Variants in SPEF2 observed in about 807,000 individuals in gnomAD.
The protein encoded by SPEF2 is sperm flagella and cilia-associated protein 2.
A neutral mutation model predicts 224.6 loss-of-function variants in SPEF2; 187 were observed. The ratio of observed to expected loss-of-function variants is 0.83; its 90% CI spans 0.74 to 0.94. The LOEUF (loss-of-function observed/expected upper bound fraction) is 0.94. SPEF2 is among the 40% of genes least tolerant of loss of function. The pLI, the probability that SPEF2 is intolerant of heterozygous loss-of-function variation, is 0.00. For synonymous variants in SPEF2, 715 were observed against 707.3 expected, an observed-to-expected ratio of 1.01 and a Z score of -0.17; for missense variants, 2,170 against 2,135.6, an observed-to-expected ratio of 1.02 and a Z score of -0.32.
At chr5:35,653,077 T>A (rs1469789059) in intron 6 of SPEF2, among the ~76,000 whole-genome samples, 1 of 152,186 alleles carries the variant, frequency 6.6e-6, no homozygotes, top group African/African-American at 2.4e-5. Context: ...GATTATTTGA[T>A]CTTTGTATAC....
chr5:35,693,243 G>A (rs149007777), intron 12 of SPEF2, among the ~76,000 whole-genome samples: 3 of 152,264 alleles, frequency 2.0e-5, no homozygotes, highest in African/African-American at 7.2e-5. Flanking sequence ...TGCTGGCCCT[G>A]GGCAGTGGCT....
intron 36 of SPEF2, chr5:35,807,803 C>A: frequency 6.5e-7 from 1 of 1,534,908 alleles, no homozygotes; most frequent in Non-Finnish European, 8.7e-7. Context: ...ATCACATAAC[C>A]ACCAAGCAGG....
At chr5:35,669,342 C>T (rs1750928199) in intron 9 of SPEF2, among the ~76,000 whole-genome samples, 1 of 152,000 alleles carries the variant, frequency 6.6e-6, no homozygotes, top group African/African-American at 2.4e-5. Flanking sequence ...ACCATTTTCC[C>T]ATCACTCTGT....
At position 35,802,350 on chromosome 5, in the gene SPEF2, TCA is replaced by T. The variant is rs1206223632; in HGVS notation, c.5010+2214_5010+2215del. Among the ~76,000 whole-genome samples the T allele has an allele frequency of 4.6e-5, 7 of 152,010 alleles. No individual in the cohort carries two copies. The East Asian group carries it at 1.3e-3, about 29-fold the overall frequency. ...ACTTCCCTGGCAGGGCGGAGCACATTCACACACACACATTCACTGCTTCCACA... is the reference window on the plus strand; with the variant it reads ...ACTTCCCTGGCAGGGCGGAGCACATTCACACACACATTCACTGCTTCCACA... On this transcript the variant is annotated intron_variant, in intron 34 of 36. Coordinates refer to ENST00000356031, the MANE Select transcript of SPEF2 (RefSeq NM_024867.4).
rs1268808628 is a variant in SPEF2, at chr5:35,649,380, A to G, written c.746A>G (p.Lys249Arg). ...TTAAAGGATGTGGCTGATGAAATTA[A>G]GAAGTTCGAAGCATTAATAAAAAAG... ...KEAEDVADEI[K>R]KFEALIKKDL... is the part of the protein sequence containing the mutation. The change falls in exon 6 of 37, where the codon AAG becomes AGG. Residue 249 changes from lysine (K) to arginine (R), a missense_variant. By Grantham distance (26) the Lys-to-Arg change is conservative (BLOSUM62 2). Transcript: ENST00000356031. 6.2e-7 allele frequency: 1 copy of G among 1,612,312 alleles called. No homozygotes were observed. Among genetic ancestry groups the G allele is most frequent in the Non-Finnish European group, 8.5e-7 (1 of 1,179,362 alleles).
intron 36 of SPEF2, chr5:35,807,918 T>TA: frequency 7.0e-7 from 1 of 1,428,904 alleles, no homozygotes; most frequent in Non-Finnish European, 9.1e-7. Flanking sequence ...TTTCATACTG[T>TA]AGCACTACAT....
intron 36 of SPEF2, chr5:35,808,216 T>A: frequency 1.1e-6 from 1 of 881,910 alleles, no homozygotes; most frequent in Non-Finnish European, 1.4e-6. Context: ...TTAAAATTAA[T>A]TTTATTGCCT....
Position 35,718,553 on chromosome 5 carries a change from G to A in SPEF2, c.2914+5667G>A, listed in dbSNP as rs115932448. ...CCCTCTTCCATACTTGCATCTGAGC[G>A]ATTTTGGCAGGTCCCACCATGAGTG... On this transcript the variant is annotated intron_variant, in intron 20 of 36. Transcript: ENST00000356031. Among the ~76,000 whole-genome samples the A allele has an allele frequency of 1.5e-3, 231 of 152,226 alleles. 2 individuals are homozygous for A. Among genetic ancestry groups the A allele is most frequent in the African/African-American group, 5.4e-3 (223 of 41,528 alleles).
intron 23 of SPEF2, among the ~76,000 whole-genome samples, chr5:35,749,610 C>CA (rs201038681): frequency 0.016 from 2,481 of 151,324 alleles, 76 homozygotes; most frequent in African/African-American, 0.056. Flanking sequence ...ACCATAGCTG[C>CA]AAAAAAAATG....
At chr5:35,790,427 A>G (rs1331453628) in intron 30 of SPEF2, 3 of 433,436 alleles carry the variant, frequency 6.9e-6, no homozygotes, top group Non-Finnish European at 1.2e-5. Context: ...TTGCATAGTA[A>G]AAAATAAAAT....
chr5:35,799,875 T>C, intron 33 of SPEF2, 93 bp from the exon 34 acceptor site: 2 of 1,397,078 alleles, frequency 1.4e-6, no homozygotes, highest in Admixed American at 2.0e-5. Context: ...GGCAACCTTA[T>C]TCCAAAGCTC....
At chr5:35,784,204 T>C (rs1003811160) in intron 30 of SPEF2, among the ~76,000 whole-genome samples, 6 of 151,750 alleles carry the variant, frequency 4.0e-5, no homozygotes, top group African/African-American at 1.5e-4. Flanking sequence ...CTTTGCTCAC[T>C]GCAAGCTCTA....
chr5:35,761,268 G>T (rs919552018), intron 25 of SPEF2, among the ~76,000 whole-genome samples: 5 of 152,156 alleles, frequency 3.3e-5, no homozygotes, highest in African/African-American at 1.2e-4. Context: ...TTGTTGTCAA[G>T]TCACTCCATC....
intron 20 of SPEF2, among the ~76,000 whole-genome samples, chr5:35,715,218 A>C (rs1203869673): frequency 6.6e-6 from 1 of 152,028 alleles, no homozygotes. Context: ...CCCCTGGCCA[A>C]TTTTAAGTTT....
At chr5:35,796,854 G>C (rs1756741214) in intron 33 of SPEF2, among the ~76,000 whole-genome samples, 1 of 152,138 alleles carries the variant, frequency 6.6e-6, no homozygotes, top group South Asian at 2.1e-4. Context: ...AGGAGAGCAG[G>C]TAAGAGAAAG....
intron 30 of SPEF2, 50 bp from the exon 31 acceptor site, chr5:35,792,290 A>T: frequency 6.8e-7 from 1 of 1,461,476 alleles, no homozygotes; most frequent in Admixed American, 1.8e-5. Flanking sequence ...AAAAGAAGAG[A>T]AAAACCATCA....
At chr5:35,669,001 A>C (rs1750881447) in intron 9 of SPEF2, among the ~76,000 whole-genome samples, 1 of 152,074 alleles carries the variant, frequency 6.6e-6, no homozygotes, top group Non-Finnish European at 1.5e-5. Flanking sequence ...TCAGGAGTTC[A>C]AGACCCCTGA....
chr5:35,791,281 A>G (rs1755913641), intron 30 of SPEF2, among the ~76,000 whole-genome samples: 1 of 152,204 alleles, frequency 6.6e-6, no homozygotes, highest in South Asian at 2.1e-4. Context: ...AATTATATCA[A>G]AGAAGAAAGG....
intron 23 of SPEF2, among the ~76,000 whole-genome samples, chr5:35,743,992 G>T (rs1748076593): frequency 6.6e-6 from 1 of 152,132 alleles, no homozygotes; most frequent in South Asian, 2.1e-4. Context: ...TGCCCAAGTT[G>T]CCCTGTTCCT....
Sources: allele counts gnomAD v4.1 joint callset (sites outside exome capture counted in the v4.1 genomes callset), GRCh38; gene constraint gnomAD v4.1.1; transcripts MANE v1.5; gene names NCBI Gene and HGNC (gene_info 2026-07-23, HGNC 2026-07-21).